Variants in CHRM3 observed in about 807,000 individuals in gnomAD.
CHRM3 encodes the protein muscarinic acetylcholine receptor M3.
In CHRM3, 11 loss-of-function variants were observed where a neutral mutation model predicts 41.8. The ratio of observed to expected loss-of-function variants is 0.26; its 90% confidence interval spans 0.17 to 0.44. The LOEUF is 0.44. Among genes scored for constraint, CHRM3 ranks in the 20% least tolerant of loss-of-function variants. The probability of loss-of-function intolerance (pLI) is 1.00; values close to 1 mark genes in which losing one functional copy is unlikely to be tolerated. For synonymous variants in CHRM3, 297 were observed against 301.4 expected, an observed-to-expected ratio of 0.99 and a Z score of 0.15; for missense variants, 571 against 745.4, an observed-to-expected ratio of 0.77 and a Z score of 2.72.
chr1:239,765,513 TC>T (rs1258033424), intron 5 of CHRM3, among the ~76,000 whole-genome samples: 1 of 152,234 alleles, frequency 6.6e-6, no homozygotes, highest in African/African-American at 2.4e-5. Flanking sequence ...TTGACAGAAA[TC>T]AACTGAATAC....
At position 239,510,566 on chromosome 1, in the gene CHRM3, C is replaced by A. The variant is rs1461203240; in HGVS notation, c.-422+17759C>A. On this transcript the variant is annotated intron_variant, in intron 2 of 6. Transcript: ENST00000676153. The stretch of plus-strand genomic sequence containing the variant: ...TTTTTTTTTTTTTGAGGCAGAGTTT[C>A]GCTCTTGTTGCCCAGGTTGGAGTGC... Among the ~76,000 whole-genome samples the A allele has an allele frequency of 2.0e-5, 3 of 148,908 alleles. No homozygotes were observed. In the East Asian group the frequency reaches 5.9e-4, roughly 29 times the overall value.
intron 5 of CHRM3, among the ~76,000 whole-genome samples, chr1:239,816,944 G>T (rs1352348172): frequency 1.3e-5 from 2 of 151,890 alleles, no homozygotes; most frequent in Non-Finnish European, 2.9e-5. Context: ...TGTTGACCAG[G>T]CTGGTATCCA....
At chr1:239,811,406 C>T (rs1205160159) in intron 5 of CHRM3, among the ~76,000 whole-genome samples, 1 of 152,194 alleles carries the variant, frequency 6.6e-6, no homozygotes, top group East Asian at 1.9e-4. Context: ...GCACCGAAGG[C>T]TCCTTGCTGT....
At chr1:239,828,884 T>G (rs1386839300) in intron 6 of CHRM3, among the ~76,000 whole-genome samples, 2 of 152,118 alleles carry the variant, frequency 1.3e-5, no homozygotes, top group Non-Finnish European at 2.9e-5. Context: ...GGAAATCACT[T>G]CAGAGACTTT....
At chr1:239,710,696 A>G (rs1014671) in intron 5 of CHRM3, among the ~76,000 whole-genome samples, 7,954 of 152,276 alleles carry the variant, frequency 0.052, 331 homozygotes, top group South Asian at 0.16. Context: ...GATAAAGTAA[A>G]TTAATATTTT....
At chr1:239,722,526 CTT>C (rs1663071309) in intron 5 of CHRM3, among the ~76,000 whole-genome samples, 1 of 151,886 alleles carries the variant, frequency 6.6e-6, no homozygotes, top group African/African-American at 2.4e-5. Context: ...GGAGTTGTGA[CTT>C]TGGTTTTTAG....
At chr1:239,583,410 T>A (rs927908608) in intron 3 of CHRM3, among the ~76,000 whole-genome samples, 1 of 152,202 alleles carries the variant, frequency 6.6e-6, no homozygotes, top group Non-Finnish European at 1.5e-5. Flanking sequence ...GAAATGTCTC[T>A]GCTATGCCTG....
At chr1:239,421,977 A>G (rs1225083512) in intron 1 of CHRM3, among the ~76,000 whole-genome samples, 2 of 152,190 alleles carry the variant, frequency 1.3e-5, no homozygotes, top group Admixed American at 1.3e-4. Context: ...AGATGCAATT[A>G]TGCTCTTTAG....
intron 3 of CHRM3, among the ~76,000 whole-genome samples, chr1:239,559,494 CCA>C: frequency 6.6e-6 from 1 of 152,270 alleles, no homozygotes; most frequent in East Asian, 1.9e-4. Context: ...GACAGTTCAA[CCA>C]CTACATCAAA....
rs113268793 is a variant in CHRM3 at position 239,910,584 on chromosome 1, G to GA, written c.*1372dup. ...TCAAATTGATTTCCTTACCTTTTGGGAAAAAAAAAAAATTGTTTTTTTGCA... is the reference window on the plus strand; with the variant it reads ...TCAAATTGATTTCCTTACCTTTTGGGAAAAAAAAAAAAATTGTTTTTTTGCA... On this transcript the variant is annotated 3_prime_UTR_variant, in exon 7 of 7. Transcript: ENST00000676153. 39,223 of 159,944 alleles carry GA rather than the reference G, an allele frequency of 0.25. 4,335 individuals carry two copies. Among genetic ancestry groups the GA allele is most frequent in the Admixed American group, 0.24 (3,592 of 14,710 alleles). The allele number at this position is 159,944 out of a possible 1,614,324, so 9.9% of individuals were successfully genotyped here.
intron 5 of CHRM3, among the ~76,000 whole-genome samples, chr1:239,727,026 C>A (rs962390058): frequency 6.6e-6 from 1 of 151,800 alleles, no homozygotes; most frequent in African/African-American, 2.4e-5. Flanking sequence ...TTACAAAAAT[C>A]ATTTAAGCTC....
intron 6 of CHRM3, among the ~76,000 whole-genome samples, chr1:239,872,055 C>T (rs373195302): frequency 1.6e-4 from 24 of 152,192 alleles, no homozygotes; most frequent in Non-Finnish European, 3.5e-4. Context: ...TAACACACCT[C>T]ACCCCACACT....
chr1:239,388,520 CATT>C (rs1658736429), intron 1 of CHRM3, among the ~76,000 whole-genome samples: 1 of 152,172 alleles, frequency 6.6e-6, no homozygotes, highest in Non-Finnish European at 1.5e-5. Context: ...AACCATTCAT[CATT>C]ATTTCCTGTG....
At chr1:239,653,471 G>C (rs146463543) in intron 4 of CHRM3, among the ~76,000 whole-genome samples, 6 of 152,294 alleles carry the variant, frequency 3.9e-5, no homozygotes, top group Middle Eastern at 3.4e-3. Flanking sequence ...AGAAGGGCCT[G>C]ACTGAAGTTT....
intron 2 of CHRM3, among the ~76,000 whole-genome samples, chr1:239,505,239 T>C (rs536722509): frequency 1.2e-3 from 186 of 150,590 alleles, no homozygotes; most frequent in Non-Finnish European, 2.0e-3. Context: ...TGAGGCATAT[T>C]GTTCAGTAAC....
intron 4 of CHRM3, among the ~76,000 whole-genome samples, chr1:239,662,327 G>A (rs376792462): frequency 2.0e-3 from 304 of 152,234 alleles, no homozygotes; most frequent in African/African-American, 6.8e-3. Context: ...TGACATGTCT[G>A]ATTTTGAAAT....
At chr1:239,441,353 C>A (rs1458243709) in intron 1 of CHRM3, among the ~76,000 whole-genome samples, 1 of 152,176 alleles carries the variant, frequency 6.6e-6, no homozygotes, top group Non-Finnish European at 1.5e-5. Context: ...AGGTCTTAGA[C>A]TATTGTACCT....
chr1:239,618,836 T>A (rs1414247925), intron 3 of CHRM3, among the ~76,000 whole-genome samples: 9 of 120,950 alleles, frequency 7.4e-5, no homozygotes, highest in Admixed American at 1.6e-4. Flanking sequence ...AGAGCGAGAC[T>A]CTGTCAGAAA....
At chr1:239,896,873 C>T (rs1468346071) in intron 6 of CHRM3, among the ~76,000 whole-genome samples, 1 of 152,188 alleles carries the variant, frequency 6.6e-6, no homozygotes, top group Non-Finnish European at 1.5e-5. Context: ...CTGCTTTATA[C>T]TCAACAAATG....
Sources: gnomAD v4.1 joint callset for allele counts (sites outside exome capture counted in the v4.1 genomes callset) on GRCh38, gnomAD v4.1.1 for gene constraint, MANE v1.5 for transcripts, NCBI Gene and HGNC (gene_info 2026-07-23, HGNC 2026-07-21) for gene names.